CFDP1: variants seen among roughly 807,000 people sequenced by gnomAD.
CFDP1 encodes heterochromatin-stabilizing protein CFDP1.
CFDP1 carries 31 observed loss-of-function variants against 40.1 expected under a neutral mutation model. That is an observed-to-expected ratio of 0.77 (90% CI 0.58 to 1.04). CFDP1 has a LOEUF of 1.04. Among genes scored for constraint, CFDP1 ranks in the 50% least tolerant of loss-of-function variants. The pLI, the probability that CFDP1 is intolerant of heterozygous loss-of-function variation, is 0.00. For missense variants in CFDP1, 423 were observed against 343.4 expected (o/e 1.23, Z -1.83); for synonymous variants, 167 against 120.0 (o/e 1.39, Z -2.56).
chr16:75,371,946 A>C (rs923453159), intron 5 of CFDP1, among the ~76,000 whole-genome samples: 1 of 152,200 alleles, frequency 6.6e-6, no homozygotes, highest in African/African-American at 2.4e-5. Flanking sequence ...AAAAACTACT[A>C]ATTTTCATTG....
chr16:75,312,890 C>G (rs1862705), intron 5 of CFDP1, among the ~76,000 whole-genome samples: 105,509 of 152,108 alleles, frequency 0.69, 37,507 homozygotes, highest in Admixed American at 0.78. Flanking sequence ...GACTCCTGGT[C>G]TCTATTATAA....
At chr16:75,409,955 T>C (rs1223715756) in intron 4 of CFDP1, among the ~76,000 whole-genome samples, 2 of 149,452 alleles carry the variant, frequency 1.3e-5, no homozygotes, top group African/African-American at 4.9e-5. Context: ...GGCAGAGTAG[T>C]ACATCCCTGA....
At chr16:75,370,172 A>C (rs2078741303) in intron 5 of CFDP1, among the ~76,000 whole-genome samples, 1 of 151,552 alleles carries the variant, frequency 6.6e-6, no homozygotes, top group Non-Finnish European at 1.5e-5. Flanking sequence ...GGCTCACTGC[A>C]ACCTCTGCCT....
At chr16:75,330,530 A>T (rs554982973) in intron 5 of CFDP1, among the ~76,000 whole-genome samples, 1 of 152,346 alleles carries the variant, frequency 6.6e-6, no homozygotes, top group East Asian at 1.9e-4. Flanking sequence ...TGCAGGTTGC[A>T]GTGAGCCAAG....
At chr16:75,401,556 C>A (rs1239433375) in intron 4 of CFDP1, among the ~76,000 whole-genome samples, 3 of 151,738 alleles carry the variant, frequency 2.0e-5, no homozygotes, top group African/African-American at 4.8e-5. Flanking sequence ...GCTGAGATAG[C>A]GCCACTACAC....
At chr16:75,335,595 T>C (rs8056275) in intron 5 of CFDP1, among the ~76,000 whole-genome samples, 143,928 of 147,354 alleles carry the variant, frequency 0.98, 70,305 homozygotes, top group East Asian at 1. Flanking sequence ...CTTGCTCTGT[T>C]GCCCAGGCTG....
At chr16:75,353,010 T>C (rs1039719348) in intron 5 of CFDP1, among the ~76,000 whole-genome samples, 3 of 152,198 alleles carry the variant, frequency 2.0e-5, no homozygotes, top group African/African-American at 7.2e-5. Flanking sequence ...TAAACTCTAC[T>C]ATGAGGATGT....
At chr16:75,313,780 A>G (rs2078308849) in intron 5 of CFDP1, among the ~76,000 whole-genome samples, 1 of 150,596 alleles carries the variant, frequency 6.6e-6, no homozygotes, top group Non-Finnish European at 1.5e-5. Context: ...GAATTACATA[A>G]AAGAAATTCC....
intron 1 of CFDP1, among the ~76,000 whole-genome samples, chr16:75,416,857 T>A (rs1475250439): frequency 7.2e-6 from 1 of 138,746 alleles, no homozygotes; most frequent in African/African-American, 2.6e-5. Flanking sequence ...ACAATCAATA[T>A]CCAAAATGGA....
At chr16:75,313,419 T>G (rs2078307091) in intron 5 of CFDP1, among the ~76,000 whole-genome samples, 1 of 152,206 alleles carries the variant, frequency 6.6e-6, no homozygotes. Context: ...AGCCTCTGCT[T>G]CCTGGGTTCA....
chr16:75,395,232 A>G, intron 4 of CFDP1, 23 bp from the exon 5 acceptor site: 1 of 1,611,450 alleles, frequency 6.2e-7, no homozygotes, highest in Non-Finnish European at 8.5e-7. Context: ...AAAAGACATC[A>G]AGCTTACAAG....
At chr16:75,393,798 G>T (rs1263100661) in intron 5 of CFDP1, among the ~76,000 whole-genome samples, 3 of 138,126 alleles carry the variant, frequency 2.2e-5, no homozygotes, top group Admixed American at 7.8e-5. Flanking sequence ...GGTGGCTCAC[G>T]CCTGTAATCC....
At chr16:75,387,484 A>G (rs547199419) in intron 5 of CFDP1, among the ~76,000 whole-genome samples, 1 of 152,314 alleles carries the variant, frequency 6.6e-6, no homozygotes, top group Non-Finnish European at 1.5e-5. Context: ...TCTGGAGCTG[A>G]TAAGTAAGAC....
At chr16:75,385,472 T>G (rs1461093144) in intron 5 of CFDP1, among the ~76,000 whole-genome samples, 1 of 152,146 alleles carries the variant, frequency 6.6e-6, no homozygotes, top group Non-Finnish European at 1.5e-5. Flanking sequence ...CAACAAAGTT[T>G]TTGTATCCCA....
chr16:75,411,224 A>C (rs915699729), intron 4 of CFDP1, among the ~76,000 whole-genome samples: 5 of 151,996 alleles, frequency 3.3e-5, no homozygotes, highest in African/African-American at 1.2e-4. Context: ...TCTAAAAAAA[A>C]ACAAAAACAA....
intron 5 of CFDP1, among the ~76,000 whole-genome samples, chr16:75,350,407 T>C (rs1243526748): frequency 6.6e-6 from 1 of 152,230 alleles, no homozygotes; most frequent in Non-Finnish European, 1.5e-5. Context: ...TATTTCCATC[T>C]TTTTAAATTA....
chr16:75,343,990 T>C (rs1312346907), intron 5 of CFDP1, among the ~76,000 whole-genome samples: 1 of 152,190 alleles, frequency 6.6e-6, no homozygotes, highest in African/African-American at 2.4e-5. Context: ...AAAATTAGAA[T>C]CTCTAGCAGG....
intron 1 of CFDP1, among the ~76,000 whole-genome samples, chr16:75,419,774 G>A (rs1163851656): frequency 6.6e-6 from 1 of 152,216 alleles, no homozygotes; most frequent in Admixed American, 6.5e-5. Context: ...ACATCAGGAA[G>A]TTACTCTAAA....
At chr16:75,426,033 C>G (rs1355034947) in intron 1 of CFDP1, among the ~76,000 whole-genome samples, 1 of 32,010 alleles carries the variant, frequency 3.1e-5, no homozygotes, top group South Asian at 2.0e-3. Context: ...AACACTCTGT[C>G]TCAAAAAAAA....
Sources: gnomAD v4.1 joint callset for allele counts (sites outside exome capture counted in the v4.1 genomes callset) on GRCh38, gnomAD v4.1.1 for gene constraint, MANE v1.5 for transcripts, NCBI Gene and HGNC (gene_info 2026-07-23, HGNC 2026-07-21) for gene names.